Variants in SYN2 observed in about 807,000 individuals in gnomAD.
The protein encoded by SYN2 is synapsin-2.
Under a neutral mutation model 50.9 loss-of-function variants are expected in SYN2, and 19 were observed. That is an observed-to-expected ratio of 0.37 (90% CI 0.26 to 0.55). SYN2 has a LOEUF of 0.55. Ranked by LOEUF, SYN2 falls within the 20% of genes least tolerant of loss-of-function variation. The probability of loss-of-function intolerance (pLI) is 0.81; values close to 1 mark genes in which losing one functional copy is unlikely to be tolerated. For missense variants in SYN2, 587 were observed against 576.4 expected (o/e 1.02, Z -0.19); for synonymous variants, 255 against 224.9 (o/e 1.13, Z -1.20).
At chr3:12,109,486 T>C (rs1332946713) in intron 1 of SYN2, among the ~76,000 whole-genome samples, 1 of 152,226 alleles carries the variant, frequency 6.6e-6, no homozygotes, top group African/African-American at 2.4e-5. Context: ...ATGGTTATAC[T>C]AGTTATGTAG....
chr3:12,021,938 T>C (rs578020973), intron 1 of SYN2, among the ~76,000 whole-genome samples: 23 of 151,952 alleles, frequency 1.5e-4, no homozygotes, highest in Non-Finnish European at 3.1e-4. Context: ...AGTGTGGTGG[T>C]GTGCACCTGT....
intron 1 of SYN2, among the ~76,000 whole-genome samples, chr3:12,011,960 C>T (rs1574884870): frequency 1.3e-5 from 2 of 152,150 alleles, no homozygotes; most frequent in South Asian, 4.1e-4. Context: ...ACATCTTTCC[C>T]TGTTTCCAGC....
chr3:12,141,198 A>G (rs1255215674), intron 2 of SYN2, among the ~76,000 whole-genome samples: 2 of 145,124 alleles, frequency 1.4e-5, no homozygotes. Context: ...TGAAAGTCCA[A>G]TTTTTTTTTT....
chr3:12,156,799 G>A lies in SYN2; in HGVS notation c.775-4747G>A, dbSNP rs745849653. On this transcript the variant is annotated intron_variant, in intron 5 of 12. Transcript: ENST00000621198. ...GGCAGAATCTATTATATTAAGGCCA[G>A]TTGTTGGTCTTTTAACTTACCAGTC... The A allele has an allele frequency of 8.2e-6, 13 of 1,587,962 alleles. No homozygotes were observed. In the Admixed American group the frequency reaches 1.5e-4, roughly 18 times the overall value.
intron 1 of SYN2, among the ~76,000 whole-genome samples, chr3:12,133,243 G>A (rs1696829981): frequency 6.6e-6 from 1 of 152,216 alleles, no homozygotes. Context: ...GCCACAGAAT[G>A]TTGCCTTTAT....
chr3:12,008,315 T>C (rs1471561743), intron 1 of SYN2, among the ~76,000 whole-genome samples: 3 of 152,196 alleles, frequency 2.0e-5, no homozygotes, highest in Non-Finnish European at 4.4e-5. Flanking sequence ...CAGATATTTA[T>C]GAAGCACCTT....
chr3:12,135,884 A>G (rs928598447), intron 1 of SYN2, among the ~76,000 whole-genome samples: 3 of 152,244 alleles, frequency 2.0e-5, no homozygotes, highest in African/African-American at 7.2e-5. Flanking sequence ...TTATGGATAT[A>G]ATGATTATAT....
chr3:12,164,971 C>CT (rs1369591276), intron 7 of SYN2, among the ~76,000 whole-genome samples: 305 of 146,142 alleles, frequency 2.1e-3, no homozygotes, highest in African/African-American at 7.2e-3. Flanking sequence ...CAGTTTCTTC[C>CT]TTTTTTTCTT....
At chr3:12,158,920 T>G (rs1303877541) in intron 5 of SYN2, 1 of 1,432,678 alleles carries the variant, frequency 7.0e-7, no homozygotes, top group Middle Eastern at 2.6e-4. Context: ...AAGGCCGTTG[T>G]GCCCCTCGCC....
At chr3:12,034,590 A>G (rs1454505240) in intron 1 of SYN2, among the ~76,000 whole-genome samples, 2 of 152,198 alleles carry the variant, frequency 1.3e-5, no homozygotes, top group African/African-American at 4.8e-5. Flanking sequence ...TTTTGGCTGC[A>G]TCATAACATG....
At chr3:12,138,687 A>G (rs955217597) in intron 1 of SYN2, among the ~76,000 whole-genome samples, 4 of 152,222 alleles carry the variant, frequency 2.6e-5, no homozygotes, top group African/African-American at 9.7e-5. Context: ...ATGCTTTGCA[A>G]ATGCAAGGCA....
chr3:12,053,450 A>C (rs1305472342), intron 1 of SYN2, among the ~76,000 whole-genome samples: 1 of 151,940 alleles, frequency 6.6e-6, no homozygotes, highest in East Asian at 1.9e-4. Flanking sequence ...AAAACAAAAC[A>C]AAAAAATATA....
chr3:12,154,378 C>T (rs1559443250), intron 5 of SYN2: 1 of 1,614,180 alleles, frequency 6.2e-7, no homozygotes, highest in Non-Finnish European at 8.5e-7. Context: ...CCCTCTGCAC[C>T]AAGGACAGGT....
intron 11 of SYN2, chr3:12,185,778 G>A (rs1307472027): frequency 2.0e-6 from 2 of 985,314 alleles, no homozygotes; most frequent in Non-Finnish European, 1.2e-6. Context: ...CTGCACAAAT[G>A]GGAAAGCACT....
chr3:12,061,838 A>G (rs1027026406), intron 1 of SYN2, among the ~76,000 whole-genome samples: 10 of 152,130 alleles, frequency 6.6e-5, no homozygotes, highest in Admixed American at 5.9e-4. Flanking sequence ...TTCAAGACGT[A>G]TAAGCAGAAC....
chr3:12,153,400 A>G (rs1697360905), intron 5 of SYN2: 1 of 1,236,272 alleles, frequency 8.1e-7, no homozygotes, highest in Non-Finnish European at 1.2e-6. Context: ...TCCACTTGGC[A>G]CTTCTTATTA....
At chr3:12,141,855 A>G (rs756372689) in intron 2 of SYN2, 50 bp from the exon 3 acceptor site, 1 of 779,340 alleles carries the variant, frequency 1.3e-6, no homozygotes, top group South Asian at 1.3e-5. Flanking sequence ...TATGTAGAGG[A>G]CTTGGTGAAG....
intron 10 of SYN2, among the ~76,000 whole-genome samples, chr3:12,178,308 CAG>C (rs1405247932): frequency 6.6e-6 from 1 of 152,214 alleles, no homozygotes; most frequent in African/African-American, 2.4e-5. Flanking sequence ...CAGCTGGTCT[CAG>C]GCCAACAGCT....
intron 1 of SYN2, among the ~76,000 whole-genome samples, chr3:12,134,591 T>G (rs1407289860): frequency 2.6e-5 from 4 of 152,354 alleles, no homozygotes; most frequent in Non-Finnish European, 4.4e-5. Flanking sequence ...GGAGAATGGC[T>G]CCCTCCTTTG....
Sources: gnomAD v4.1 joint callset for allele counts (sites outside exome capture counted in the v4.1 genomes callset) on GRCh38, gnomAD v4.1.1 for gene constraint, MANE v1.5 for transcripts, NCBI Gene and HGNC (gene_info 2026-07-23, HGNC 2026-07-21) for gene names.